CASP8: variants seen among roughly 807,000 people sequenced by gnomAD.
CASP8 encodes caspase-8.
Under a neutral mutation model 46.3 loss-of-function variants are expected in CASP8, and 24 were observed. The observed-to-expected ratio is 0.52, with a 90% CI of 0.38 to 0.73. The LOEUF is 0.73. CASP8 is among the 30% of genes least tolerant of loss of function. The pLI is 0.00. For synonymous variants in CASP8, 188 were observed against 200.4 expected (o/e 0.94, Z 0.52); for missense variants, 460 against 559.0 (o/e 0.82, Z 1.79).
intron 2 of CASP8, among the ~76,000 whole-genome samples, chr2:201,237,343 G>T (rs1235304985): frequency 6.7e-6 from 1 of 149,760 alleles, no homozygotes; most frequent in African/African-American, 2.5e-5. Context: ...TGCCCGCCTC[G>T]GCTTCCCAAA....
At chr2:201,251,710 C>G (rs1946793655) in intron 2 of CASP8, among the ~76,000 whole-genome samples, 2 of 151,072 alleles carry the variant, frequency 1.3e-5, no homozygotes, top group African/African-American at 4.9e-5. Flanking sequence ...TAACACCAGC[C>G]CGACCAACAT....
At chr2:201,277,950 C>T (rs989996209) in intron 7 of CASP8, 16 of 202,740 alleles carry the variant, frequency 7.9e-5, no homozygotes, top group African/African-American at 3.4e-4. Flanking sequence ...ATCCGCCTGC[C>T]TCGGCCTCCC....
chr2:201,254,017 G>T (rs1312674753), intron 2 of CASP8, among the ~76,000 whole-genome samples: 1 of 151,036 alleles, frequency 6.6e-6, no homozygotes, highest in East Asian at 1.9e-4. Flanking sequence ...GGAGGCGGAG[G>T]TTGCGGTGAG....
chr2:201,263,099 G>A (rs112484377), intron 1 of CASP8, among the ~76,000 whole-genome samples: 1,809 of 152,232 alleles, frequency 0.012, 13 homozygotes, highest in South Asian at 0.026. Flanking sequence ...GGAGCTATGC[G>A]CCAATCTTAT....
intron 2 of CASP8, among the ~76,000 whole-genome samples, chr2:201,245,367 A>G (rs1430774321): frequency 6.6e-6 from 1 of 151,860 alleles, no homozygotes; most frequent in Non-Finnish European, 1.5e-5. Flanking sequence ...CAGCCTCCCG[A>G]GTAGCTGGAA....
In CASP8 at chr2:201,272,915, G is replaced by A; in HGVS notation, c.568G>A (p.Glu190Lys). 6.2e-7 allele frequency: 1 copy of A among 1,614,128 alleles called. No individual in the cohort carries two copies. Among genetic ancestry groups the A allele is most frequent in the Non-Finnish European group, 8.5e-7 (1 of 1,179,996 alleles). The change falls in exon 5 of 9, where the codon GAA (glutamate) becomes AAA (lysine). Residue 190 changes from glutamate (E) to lysine (K), a missense_variant. By Grantham distance (56) the Glu-to-Lys change is moderately conservative. Transcript: ENST00000673742. This position sits in a 1 kb window ranked among gnomAD's most constrained non-coding sequence, Gnocchi z 4.4. The stretch of plus-strand genomic sequence containing the variant: ...TAATTCAGAGAGAAGCAGCAGCCTT[G>A]AAGGAAGTCCTGATGAATTTTCAAA... ...EFSKERSSSL[E>K]GSPDEFSNGE...
At position 201,276,836 on chromosome 2, in the gene CASP8, A is replaced by G. The variant is rs1243386921; in HGVS notation, c.670A>G (p.Lys224Glu). Residue 224 changes from lysine to glutamate, a missense_variant, in exon 7 of 9, where the codon AAA (lysine) becomes GAA (glutamate). Physicochemically the swap from Lys to Glu is moderately conservative, Grantham distance 56. Coordinates refer to ENST00000673742, the MANE Select transcript of CASP8 (RefSeq NM_001372051.1). ...GGTTTTTGTTTTCCAGACTTTGGAC[A>G]AAGTTTACCAAATGAAAAGCAAACC... ...EQDSESQTLD[K>E]VYQMKSKPRG... 1.9e-6 allele frequency: 3 copies of G among 1,614,038 alleles called. No individual in the cohort carries two copies. Among genetic ancestry groups the G allele is most frequent in the Non-Finnish European group, 1.7e-6 (2 of 1,180,008 alleles).
At chr2:201,271,308 T>C (rs1474356184) in intron 2 of CASP8, among the ~76,000 whole-genome samples, 1 of 151,940 alleles carries the variant, frequency 6.6e-6, no homozygotes, top group Admixed American at 6.6e-5. Context: ...GAACTTTAAA[T>C]TGTTAAGGGT....
chr2:201,258,709 C>G (rs1947170108), upstream of CASP8, among the ~76,000 whole-genome samples: 1 of 151,556 alleles, frequency 6.6e-6, no homozygotes, highest in Non-Finnish European at 1.5e-5. Flanking sequence ...TATCAATCCA[C>G]TTTTTTTTCT....
intron 2 of CASP8, among the ~76,000 whole-genome samples, chr2:201,235,661 A>G (rs1457697303): frequency 7.2e-5 from 11 of 152,234 alleles, no homozygotes; most frequent in Admixed American, 3.3e-4. Context: ...TATGATTGAT[A>G]TACAACAAAT....
intron 2 of CASP8, among the ~76,000 whole-genome samples, chr2:201,244,035 T>C (rs755295866): frequency 6.6e-6 from 1 of 152,150 alleles, no homozygotes; most frequent in African/African-American, 2.4e-5. Context: ...ATCCTTTGAT[T>C]TTTCAGAGCC....
At chr2:201,249,631 G>T (rs140456210) in intron 2 of CASP8, among the ~76,000 whole-genome samples, 1 of 152,214 alleles carries the variant, frequency 6.6e-6, no homozygotes, top group Non-Finnish European at 1.5e-5. Flanking sequence ...AGGCTAAGGC[G>T]AGAGGATCGC....
intron 2 of CASP8, among the ~76,000 whole-genome samples, chr2:201,248,165 T>C (rs957210924): frequency 1.3e-5 from 2 of 152,214 alleles, no homozygotes; most frequent in Non-Finnish European, 2.9e-5. Context: ...TCTCTCGCTT[T>C]TTCTACTATT....
At chr2:201,246,556 A>G (rs1319660782) in intron 2 of CASP8, among the ~76,000 whole-genome samples, 6 of 152,212 alleles carry the variant, frequency 3.9e-5, no homozygotes, top group African/African-American at 1.4e-4. Context: ...GACAACCTCT[A>G]GTCTAATTTC....
Position 201,271,588 on chromosome 2 carries a change from G to A in CASP8, c.378G>A (p.Glu126=). ...GGTCTTTTAAGTTTCTTTTGCAAGA[G>A]GAAATCTCCAAATGCAAACTGGATG... ...ELRSFKFLLQ[E]EISKCKLDDD... is the part of the protein sequence containing the mutation. Residue 126 remains glutamate, a synonymous_variant, in exon 3 of 9, where the codon GAG becomes GAA. Coordinates refer to ENST00000673742, the MANE Select transcript of CASP8 (RefSeq NM_001372051.1). 6.2e-7 allele frequency: 1 copy of A among 1,607,496 alleles called. No individual in the cohort carries two copies. The highest frequency in any genetic ancestry group is 8.5e-7 in the Non-Finnish European group (1 of 1,173,870).
chr2:201,286,359 A>C, intron 8 of CASP8, 100 bp from the exon 9 acceptor site: 2 of 1,427,330 alleles, frequency 1.4e-6, no homozygotes, highest in Non-Finnish European at 2.0e-6. Flanking sequence ...TGATATTTTG[A>C]GAGAAAGAAC....
At chr2:201,235,235 T>A (rs1487117075) in intron 2 of CASP8, among the ~76,000 whole-genome samples, 2 of 152,188 alleles carry the variant, frequency 1.3e-5, no homozygotes, top group East Asian at 3.8e-4. Flanking sequence ...TATAATGATA[T>A]CAGTTGGTAC....
At chr2:201,237,026 A>G (rs560401694) in intron 2 of CASP8, among the ~76,000 whole-genome samples, 6 of 148,958 alleles carry the variant, frequency 4.0e-5, no homozygotes, top group Non-Finnish European at 8.9e-5. Flanking sequence ...ATTCTTAACC[A>G]TTTGGATTCT....
At chr2:201,248,776 T>C (rs1332655220) in intron 2 of CASP8, among the ~76,000 whole-genome samples, 1 of 152,230 alleles carries the variant, frequency 6.6e-6, no homozygotes, top group Non-Finnish European at 1.5e-5. Flanking sequence ...CTCTTAATTC[T>C]AAAATGGTCC....
Sources: allele counts gnomAD v4.1 joint callset (sites outside exome capture counted in the v4.1 genomes callset), GRCh38; gene constraint gnomAD v4.1.1; non-coding constraint Gnocchi (gnomAD v3.1); transcripts MANE v1.5; gene names NCBI Gene and HGNC (gene_info 2026-07-23, HGNC 2026-07-21).